Variants in MYO1H observed in about 807,000 individuals in gnomAD.
The protein encoded by MYO1H is unconventional myosin-Ih.
A neutral mutation model predicts 149.3 loss-of-function variants in MYO1H; 118 were observed. The observed-to-expected ratio is 0.79, with a 90% CI of 0.68 to 0.92. MYO1H has a LOEUF of 0.92. Among genes scored for constraint, MYO1H ranks in the 40% least tolerant of loss-of-function variants. The probability of loss-of-function intolerance (pLI) is 0.00; values close to 1 mark genes in which losing one functional copy is unlikely to be tolerated. For synonymous variants in MYO1H, 447 were observed against 465.2 expected (o/e 0.96, Z 0.50); for missense variants, 1,212 against 1,280.7 (o/e 0.95, Z 0.82).
chr12:109,344,345 GCT>G (rs1181142412), upstream of MYO1H, among the ~76,000 whole-genome samples: 1 of 152,132 alleles, frequency 6.6e-6, no homozygotes, highest in Non-Finnish European at 1.5e-5. Flanking sequence ...ATTTTTGTAT[GCT>G]GGCAATGAAC....
At chr12:109,312,207 T>C in the MYO1H span, among the ~76,000 whole-genome samples, 356 of 152,108 alleles carry the variant, frequency 2.3e-3, no homozygotes, top group Non-Finnish European at 3.9e-3. Context: ...TTCAGTTTTT[T>C]TTTTTGTTTG....
chr12:109,374,257 T>C (rs1477578585), intron 1 of MYO1H, among the ~76,000 whole-genome samples: 1 of 152,152 alleles, frequency 6.6e-6, no homozygotes, highest in African/African-American at 2.4e-5. Context: ...AAAAAGAATA[T>C]GGATTCTGGA....
At chr12:109,329,728 T>G in the MYO1H span, among the ~76,000 whole-genome samples, 1 of 152,248 alleles carries the variant, frequency 6.6e-6, no homozygotes, top group South Asian at 2.1e-4. Context: ...CAGTGTGTGT[T>G]CTTACCATGA....
intron 6 of MYO1H, among the ~76,000 whole-genome samples, chr12:109,402,587 G>T (rs949178465): frequency 6.6e-6 from 1 of 152,118 alleles, no homozygotes; most frequent in Non-Finnish European, 1.5e-5. Flanking sequence ...GGGCAATGTA[G>T]CAAGACCCCA....
intron 1 of MYO1H, among the ~76,000 whole-genome samples, chr12:109,387,768 C>T (rs2137031498): frequency 6.6e-6 from 1 of 152,234 alleles, no homozygotes; most frequent in East Asian, 1.9e-4. Context: ...CCTCCTGATG[C>T]AGACATTACA....
At position 109,361,515 on chromosome 12, in the gene MYO1H, A is replaced by C. The variant is rs746689905; in HGVS notation, c.12+13543A>C. Among the ~76,000 whole-genome samples, 29 of 152,342 alleles carry C rather than the reference A, an allele frequency of 1.9e-4. 1 individual carries two copies. In the South Asian group the frequency reaches 3.3e-3, roughly 17 times the overall value. The stretch of plus-strand genomic sequence containing the variant: ...AATTATGTCTTAATATGTGTCACAA[A>C]AACTAGCAGGCCAGGTGCAGTGGCT... On this transcript the variant is annotated intron_variant, in intron 1 of 31. Coordinates refer to ENST00000310903, the Ensembl canonical transcript of MYO1H.
intron 19 of MYO1H, among the ~76,000 whole-genome samples, chr12:109,427,925 T>A (rs1398045502): frequency 1.2e-5 from 1 of 85,164 alleles, no homozygotes; most frequent in African/African-American, 4.2e-5. Flanking sequence ...TATATATATA[T>A]ATATATATAT....
At chr12:109,373,114 G>T (rs754298383) in intron 1 of MYO1H, among the ~76,000 whole-genome samples, 1 of 152,006 alleles carries the variant, frequency 6.6e-6, no homozygotes, top group Non-Finnish European at 1.5e-5. Flanking sequence ...TATATGGCCT[G>T]AATTTACATA....
chr12:109,443,276 A>G (rs1217579827), intron 27 of MYO1H, among the ~76,000 whole-genome samples: 7 of 136,720 alleles, frequency 5.1e-5, no homozygotes, highest in African/African-American at 8.1e-5. Context: ...ATGTGTGTGT[A>G]TATGTGTACG....
chr12:109,441,685 A>G, exon 26 of MYO1H: 1 of 1,612,672 alleles, frequency 6.2e-7, no homozygotes, highest in Non-Finnish European at 8.5e-7. Flanking sequence ...AGTTTAAATC[A>G]ACCCTTTGTC....
chr12:109,404,848 C>CT (rs11286105), intron 7 of MYO1H, among the ~76,000 whole-genome samples: 6,975 of 136,770 alleles, frequency 0.051, 277 homozygotes, highest in African/African-American at 0.12. Flanking sequence ...ATCTTTTTGT[C>CT]TTTTTTTTTT....
At chr12:109,313,840 A>G in the MYO1H span, among the ~76,000 whole-genome samples, 894 of 152,174 alleles carry the variant, frequency 5.9e-3, 6 homozygotes, top group Non-Finnish European at 9.5e-3. Context: ...GTTTTAGTCA[A>G]TATGTCCAGG....
chr12:109,394,952 G>A (rs1555250916), intron 3 of MYO1H, among the ~76,000 whole-genome samples: 1 of 152,108 alleles, frequency 6.6e-6, no homozygotes, highest in Non-Finnish European at 1.5e-5. Context: ...TATAGAGACA[G>A]GGTCTCAGTG....
chr12:109,416,698 T>C (rs1370822424), intron 15 of MYO1H, among the ~76,000 whole-genome samples: 1 of 152,096 alleles, frequency 6.6e-6, no homozygotes, highest in African/African-American at 2.4e-5. Context: ...AGATTAGATA[T>C]GGTAACTCGG....
At chr12:109,330,045 A>T in the MYO1H span, among the ~76,000 whole-genome samples, 1 of 152,196 alleles carries the variant, frequency 6.6e-6, no homozygotes, top group Non-Finnish European at 1.5e-5. Context: ...GACAGAAAAC[A>T]AACATTTGTG....
chr12:109,405,569 C>T (rs1334228224), intron 7 of MYO1H, among the ~76,000 whole-genome samples: 5 of 152,312 alleles, frequency 3.3e-5, no homozygotes, highest in Admixed American at 3.3e-4. Flanking sequence ...CTCGGCCTCC[C>T]AAAGTGCTGG....
At chr12:109,443,147 TAC>T (rs1333721765) in intron 27 of MYO1H, among the ~76,000 whole-genome samples, 9 of 133,188 alleles carry the variant, frequency 6.8e-5, no homozygotes, top group South Asian at 2.2e-4. Flanking sequence ...TGTATATGTG[TAC>T]GTATGTGTGT....
At chr12:109,430,066 C>T (rs1293417227) in intron 19 of MYO1H, among the ~76,000 whole-genome samples, 1 of 152,218 alleles carries the variant, frequency 6.6e-6, no homozygotes, top group African/African-American at 2.4e-5. Flanking sequence ...GGCCCTGCCT[C>T]CTAACACCAT....
In MYO1H at chr12:109,413,058, C is replaced by A. The variant is rs1870746651; in HGVS notation, c.1502+1073C>A. On this transcript the variant is annotated intron_variant, in intron 14 of 31. Coordinates refer to ENST00000310903, the Ensembl canonical transcript of MYO1H. ...GTAGGGCGATCTCGGCTCACTGCAA[C>A]CTCCACCTCCCGGGTTCAAGTGATT... Among the ~76,000 whole-genome samples the A allele has an allele frequency of 2.0e-5, 3 of 152,102 alleles. No individual in the cohort carries two copies. In the South Asian group the frequency reaches 6.2e-4, roughly 32 times the overall value.
Sources: allele counts gnomAD v4.1 joint callset (sites outside exome capture counted in the v4.1 genomes callset), GRCh38; gene constraint gnomAD v4.1.1; transcripts MANE v1.5; gene names NCBI Gene and HGNC (gene_info 2026-07-23, HGNC 2026-07-21).